The following XPO1 variants were observed in gnomAD, a reference collection of about 807,000 sequenced individuals.
The protein encoded by XPO1 is exportin-1.
In XPO1, 5 loss-of-function variants were observed where a neutral mutation model predicts 133.3. The ratio of observed to expected loss-of-function variants is 0.04; its 90% CI spans 0.02 to 0.08. The LOEUF is 0.08. Ranked by LOEUF, XPO1 falls within the 10% of genes least tolerant of loss-of-function variation. The probability of loss-of-function intolerance (pLI) is 1.00; values close to 1 mark genes in which losing one functional copy is unlikely to be tolerated. For missense variants in XPO1, 506 were observed against 1,267.5 expected, an observed-to-expected ratio of 0.40 and a Z score of 9.12; for synonymous variants, 419 against 408.2, an observed-to-expected ratio of 1.03 and a Z score of -0.32.
In XPO1 at chr2:61,478,706, C is replaced by T; in HGVS notation, c.*114G>A. The T allele has an allele frequency of 1.9e-6, 2 of 1,047,576 alleles. No individual in the cohort carries two copies. The highest frequency in any genetic ancestry group is 2.7e-6 in the Non-Finnish European group (2 of 752,174). The allele number at this position is 1,047,576 out of a possible 1,614,324, so 64.9% of individuals were successfully genotyped here. A position where few individuals can be genotyped will look rare whatever the true frequency, so the allele number is the denominator to read the frequency against. ...ACAAAAAAACACATAAGAAAAAGGG[C>T]CACTAGGTGACATTTTAATTTACAA... On this transcript the variant is annotated 3_prime_UTR_variant, in exon 25 of 25. Coordinates refer to ENST00000401558, the MANE Select transcript of XPO1 (RefSeq NM_003400.4).
rs1442403931 is a variant in XPO1 at position 61,498,851 on chromosome 2, T to C, written c.639+14A>G. 6.2e-7 allele frequency: 1 copy of C among 1,605,516 alleles called. No individual in the cohort carries two copies. Among genetic ancestry groups the C allele is most frequent in the South Asian group, 1.1e-5 (1 of 89,236 alleles). ...CCTATTATTGTTTTTAAAAATGAAA[T>C]TAAAAACACTTACCATTACAAACTG... On this transcript the variant is annotated intron_variant, in intron 8 of 24. Transcript: ENST00000401558.
intron 19 of XPO1, 147 bp downstream of exon 19, chr2:61,488,018 C>G: frequency 1.5e-6 from 1 of 660,638 alleles, no homozygotes; most frequent in African/African-American, 1.9e-5. Flanking sequence ...AGTATATTAA[C>G]GTAAGGACTA....
chr2:61,529,692 A>T (rs561238251), intron 2 of XPO1, among the ~76,000 whole-genome samples: 2 of 152,104 alleles, frequency 1.3e-5, no homozygotes, highest in East Asian at 3.9e-4. Context: ...GAAAGAAATT[A>T]TATGCTTATC....
chr2:61,515,939 A>AAC (rs1558664255), intron 4 of XPO1, among the ~76,000 whole-genome samples: 2 of 47,862 alleles, frequency 4.2e-5, no homozygotes, highest in African/African-American at 9.9e-5. Flanking sequence ...AAAAAAAACC[A>AAC]CACACACACA....
chr2:61,480,187 T>C (rs562873847), intron 24 of XPO1: 2 of 151,912 alleles, frequency 1.3e-5, no homozygotes, highest in Admixed American at 6.6e-5. Context: ...TATGCCAAGA[T>C]ACCAAGAAAG....
At chr2:61,535,698 G>C (rs764109914) in intron 1 of XPO1, among the ~76,000 whole-genome samples, 1 of 152,168 alleles carries the variant, frequency 6.6e-6, no homozygotes, top group Non-Finnish European at 1.5e-5. Flanking sequence ...AGGAGTTCAA[G>C]AATTGGTCCA....
intron 17 of XPO1, among the ~76,000 whole-genome samples, chr2:61,489,314 G>A (rs577535942): frequency 1.4e-4 from 21 of 150,884 alleles, no homozygotes; most frequent in African/African-American, 4.9e-4. Flanking sequence ...TTGGGAGGCT[G>A]AGGCAGGAGA....
intron 24 of XPO1, 59 bp downstream of exon 24, chr2:61,481,126 T>G (rs899162733): frequency 2.8e-6 from 3 of 1,079,770 alleles, no homozygotes; most frequent in Non-Finnish European, 4.0e-6. Flanking sequence ...TTCTACAATG[T>G]AACATAAAAG....
chr2:61,479,586 A>C lies in XPO1; in HGVS notation c.3070-620T>G, dbSNP rs988446768. Among the ~76,000 whole-genome samples the C allele has an allele frequency of 2.0e-5, 3 of 152,086 alleles. No homozygotes were observed. In the East Asian group the frequency reaches 5.8e-4, roughly 29 times the overall value. ...AAGTATATACACCTACTATGTATTC[A>C]CACAAATTTTGTTCTCTTTGTGATA... On this transcript the variant is annotated intron_variant, in intron 24 of 24. Transcript: ENST00000401558.
intron 4 of XPO1, among the ~76,000 whole-genome samples, chr2:61,503,427 CTATT>C (rs1342165690): frequency 6.7e-5 from 10 of 149,226 alleles, no homozygotes; most frequent in African/African-American, 2.5e-4. Flanking sequence ...CATCCAGCTA[CTATT>C]TTTTTTTTTT....
intron 2 of XPO1, among the ~76,000 whole-genome samples, chr2:61,527,931 C>T (rs1019612189): frequency 2.1e-5 from 3 of 144,380 alleles, no homozygotes; most frequent in Admixed American, 7.0e-5. Context: ...TTTTTTCTCT[C>T]TTTTTTTTTT....
chr2:61,494,704 G>A (rs1697154852), intron 11 of XPO1: 1 of 151,666 alleles, frequency 6.6e-6, no homozygotes, highest in Non-Finnish European at 1.5e-5. Flanking sequence ...AAATGTTTTG[G>A]ATCTAGGTAT....
At position 61,492,095 on chromosome 2, in the gene XPO1, T is replaced by G. The variant is rs1387523173; in HGVS notation, c.1827A>C (p.Pro609=). ...FVQVQVGEVM[P]FIDEILNNIN... is the part of the protein sequence containing the mutation. Reference sequence around the variant, plus strand: ...TGTTGTTCAAAATTTCATCAATAAATGGCATCACTTCTCCAACCTGAACCT... The same window carrying G: ...TGTTGTTCAAAATTTCATCAATAAAGGGCATCACTTCTCCAACCTGAACCT... The change falls in exon 16 of 25, where the codon CCA becomes CCC. Residue 609 remains proline, a synonymous_variant. Transcript: ENST00000401558. The surrounding 1 kb of genome is among the most constrained non-coding windows in gnomAD (Gnocchi z 5.6). 1 of 1,614,206 alleles carries G rather than the reference T, an allele frequency of 6.2e-7. No homozygotes were observed. Among genetic ancestry groups the G allele is most frequent in the Non-Finnish European group, 8.5e-7 (1 of 1,180,046 alleles).
intron 19 of XPO1, among the ~76,000 whole-genome samples, chr2:61,486,430 G>T (rs986529358): frequency 6.6e-6 from 1 of 151,254 alleles, no homozygotes; most frequent in Non-Finnish European, 1.5e-5. Context: ...TACTGTATAT[G>T]TAAGATGGCA....
chr2:61,527,985 G>T (rs1698980591), intron 2 of XPO1, among the ~76,000 whole-genome samples: 1 of 150,950 alleles, frequency 6.6e-6, no homozygotes, highest in African/African-American at 2.4e-5. Context: ...GGAGTGCAAT[G>T]GCAGGATCTC....
chr2:61,501,958 A>G, intron 6 of XPO1, 38 bp downstream of exon 6: 2 of 1,526,122 alleles, frequency 1.3e-6, no homozygotes, highest in South Asian at 1.2e-5. Context: ...AATAATAAGC[A>G]TAATTCTTCT....
intron 2 of XPO1, among the ~76,000 whole-genome samples, chr2:61,529,703 C>T (rs1699070736): frequency 1.3e-5 from 2 of 152,072 alleles, no homozygotes; most frequent in South Asian, 4.1e-4. Flanking sequence ...TATGCTTATC[C>T]TGGCTTTGAT....
intron 4 of XPO1, among the ~76,000 whole-genome samples, chr2:61,503,544 C>A (rs1419530911): frequency 6.6e-6 from 1 of 152,186 alleles, no homozygotes; most frequent in African/African-American, 2.4e-5. Context: ...CATGCCTCAG[C>A]CTCCCAAGTA....
chr2:61,489,152 A>C (rs1696841728), intron 17 of XPO1, among the ~76,000 whole-genome samples: 1 of 151,132 alleles, frequency 6.6e-6, no homozygotes, highest in African/African-American at 2.4e-5. Context: ...GGTGGCTCAC[A>C]CCTATAATCC....
Sources: gnomAD v4.1 joint callset for allele counts (sites outside exome capture counted in the v4.1 genomes callset) on GRCh38, gnomAD v4.1.1 for gene constraint, Gnocchi (gnomAD v3.1) non-coding constraint, MANE v1.5 for transcripts, NCBI Gene and HGNC (gene_info 2026-07-23, HGNC 2026-07-21) for gene names.